The following TF variants were observed in gnomAD, a reference collection of about 807,000 sequenced individuals.
The protein encoded by TF is serotransferrin.
TF carries 55 observed loss-of-function variants against 82.4 expected under a neutral mutation model. The ratio of observed to expected loss-of-function variants is 0.67; its 90% confidence interval spans 0.54 to 0.84. The LOEUF is 0.84. Ranked by LOEUF, TF falls within the 40% of genes least tolerant of loss-of-function variation. The pLI is 0.00. For missense variants in TF, 737 were observed against 868.4 expected (o/e 0.85, Z 1.90); for synonymous variants, 332 against 332.6 (o/e 1.00, Z 0.02).
At chr3:133,722,412 GCTGTTA>G in the TF span, among the ~76,000 whole-genome samples, 1 of 151,830 alleles carries the variant, frequency 6.6e-6, no homozygotes, top group Non-Finnish European at 1.5e-5. Flanking sequence ...ACATTCAAAG[GCTGTTA>G]CTGATAGATA....
At chr3:133,700,679 G>A in the TF span, among the ~76,000 whole-genome samples, 6 of 152,168 alleles carry the variant, frequency 3.9e-5, 1 homozygote, top group Admixed American at 2.0e-4. Flanking sequence ...CAATTTCCCC[G>A]AGGCCACACC....
the TF span, among the ~76,000 whole-genome samples, chr3:133,678,966 G>A: frequency 6.6e-6 from 1 of 151,972 alleles, no homozygotes; most frequent in African/African-American, 2.4e-5. Context: ...TCCACCTCCC[G>A]GGTTCAAGCG....
chr3:133,725,202 G>A, the TF span, among the ~76,000 whole-genome samples: 1 of 152,046 alleles, frequency 6.6e-6, no homozygotes, highest in African/African-American at 2.4e-5. Flanking sequence ...GAAAGTCATT[G>A]GTAGCTTGAT....
chr3:133,695,333 C>T, the TF span, among the ~76,000 whole-genome samples: 8 of 151,132 alleles, frequency 5.3e-5, no homozygotes, highest in Admixed American at 1.3e-4. Context: ...CTGCAACCTC[C>T]GCCTCCTGGG....
chr3:133,697,672 G>A, the TF span, among the ~76,000 whole-genome samples: 20 of 152,322 alleles, frequency 1.3e-4, no homozygotes, highest in African/African-American at 4.6e-4. Context: ...GGCCAAGGTG[G>A]AAAAGTGATT....
rs1486691073 is a variant in TF at position 133,791,860 on chromosome 3, G to C, written c.*13240G>C. The C allele has an allele frequency of 6.6e-6, 1 of 152,110 alleles. No homozygotes were observed. Among genetic ancestry groups the C allele is most frequent in the African/African-American group, 2.4e-5 (1 of 41,412 alleles). 9.4% of individuals were successfully genotyped at this position (152,110 alleles called of 1,614,324 possible). A position where few individuals can be genotyped will look rare whatever the true frequency, so the allele number is the denominator to read the frequency against. On this transcript the variant is annotated 3_prime_UTR_variant, in exon 17 of 17. Coordinates refer to ENST00000402696, the MANE Select transcript of TF (RefSeq NM_001063.4). ...TGTGTTGTGTGTGTACTATAAAAGA[G>C]CATTAATTAATTAGCTTAATAATAA...
At chr3:133,749,320 C>T (rs1933598777) in intron 2 of TF, among the ~76,000 whole-genome samples, 1 of 152,168 alleles carries the variant, frequency 6.6e-6, no homozygotes. Context: ...CTTAGGTCTA[C>T]AAAAATGCTC....
chr3:133,769,953 C>T (rs958803074), intron 13 of TF, among the ~76,000 whole-genome samples: 21 of 152,126 alleles, frequency 1.4e-4, no homozygotes, highest in African/African-American at 5.1e-4. Context: ...AGATATGTGG[C>T]CTGGGAGTTA....
chr3:133,687,261 G>A, the TF span, among the ~76,000 whole-genome samples: 1 of 152,092 alleles, frequency 6.6e-6, no homozygotes, highest in Non-Finnish European at 1.5e-5. Context: ...GAGTTAGTTG[G>A]TGCAGCACAC....
At chr3:133,748,371 A>G (rs1933564554) in intron 1 of TF, 41 bp from the exon 2 acceptor site, 1 of 1,612,060 alleles carries the variant, frequency 6.2e-7, no homozygotes, top group Non-Finnish European at 8.5e-7. Context: ...CTCCCTCAGC[A>G]TAGGGAGTGG....
At chr3:133,725,216 GA>G in the TF span, among the ~76,000 whole-genome samples, 7 of 152,044 alleles carry the variant, frequency 4.6e-5, no homozygotes, top group African/African-American at 1.4e-4. Flanking sequence ...GCTTGATGGG[GA>G]TGGCATTGAA....
the TF span, among the ~76,000 whole-genome samples, chr3:133,737,404 A>G: frequency 2.0e-5 from 3 of 152,202 alleles, no homozygotes; most frequent in African/African-American, 7.2e-5. Context: ...CAATTAAAAG[A>G]ACTAGAGAAG....
At chr3:133,692,417 G>A in the TF span, among the ~76,000 whole-genome samples, 2 of 152,146 alleles carry the variant, frequency 1.3e-5, no homozygotes, top group African/African-American at 4.8e-5. Flanking sequence ...CTGCTGTTGG[G>A]GAAAGGGGGA....
At chr3:133,698,156 C>T in the TF span, among the ~76,000 whole-genome samples, 1 of 152,240 alleles carries the variant, frequency 6.6e-6, no homozygotes, top group African/African-American at 2.4e-5. Flanking sequence ...GTGATCAAGG[C>T]TCTTGAGCTG....
the TF span, among the ~76,000 whole-genome samples, chr3:133,676,922 T>C: frequency 6.6e-6 from 1 of 152,224 alleles, no homozygotes; most frequent in South Asian, 2.1e-4. Context: ...TCCCTCCTTC[T>C]TGGCTGCTGG....
At chr3:133,764,152 C>A (rs368775348) in intron 9 of TF, 30 bp from the exon 10 acceptor site, 4 of 1,595,316 alleles carry the variant, frequency 2.5e-6, no homozygotes, top group South Asian at 1.1e-5. Context: ...AGCCTCTTTT[C>A]ATCTGCTGTG....
chr3:133,710,128 CCAAGATCAGA>C, the TF span: 1 of 152,754 alleles, frequency 6.5e-6, no homozygotes, highest in Non-Finnish European at 1.5e-5. Context: ...TGCTTAGCTT[CCAAGATCAGA>C]CAAGATCAGG....
the TF span, among the ~76,000 whole-genome samples, chr3:133,663,249 ACTCT>A: frequency 2.0e-5 from 3 of 150,488 alleles, no homozygotes; most frequent in African/African-American, 7.4e-5. Flanking sequence ...AGTTGAGCCC[ACTCT>A]CTCTCTCCTA....
upstream of TF, among the ~76,000 whole-genome samples, chr3:133,742,673 C>T (rs957468728): frequency 2.0e-5 from 3 of 152,150 alleles, no homozygotes; most frequent in African/African-American, 7.2e-5. Context: ...TTAGAGAAGT[C>T]TCTGGTGTCA....
Sources: allele counts gnomAD v4.1 joint callset (sites outside exome capture counted in the v4.1 genomes callset), GRCh38; gene constraint gnomAD v4.1.1; transcripts MANE v1.5; gene names NCBI Gene and HGNC (gene_info 2026-07-23, HGNC 2026-07-21).